TSPAN9: variants seen among roughly 807,000 people sequenced by gnomAD.
The protein encoded by TSPAN9 is tetraspanin-9.
In TSPAN9, 16 loss-of-function variants were observed where a neutral mutation model predicts 31.0. The observed-to-expected ratio is 0.52, with a 90% CI of 0.35 to 0.78. The LOEUF (loss-of-function observed/expected upper bound fraction) is 0.78, where lower values mean the gene tolerates loss of function less well. Ranked by LOEUF, TSPAN9 falls within the 30% of genes least tolerant of loss-of-function variation. The pLI is 0.01. For synonymous variants in TSPAN9, 145 were observed against 121.6 expected (o/e 1.19, Z -1.27); for missense variants, 272 against 312.5 (o/e 0.87, Z 0.98).
rs947676979 is a variant in TSPAN9, at chr12:3,107,563, A to G, written c.-18+23844A>G. ...ATCCCTGTGCCCTTCATCTGGGGCCATGCATGCCTCTTGTTAGGTCTGGCT... is the reference window on the plus strand; with the variant it reads ...ATCCCTGTGCCCTTCATCTGGGGCCGTGCATGCCTCTTGTTAGGTCTGGCT... On this transcript the variant is annotated intron_variant, in intron 2 of 8. Transcript: ENST00000011898. This position sits in a 1 kb window ranked among gnomAD's most constrained non-coding sequence, Gnocchi z 4.1. Among the ~76,000 whole-genome samples, 12 of 152,228 alleles carry G rather than the reference A, an allele frequency of 7.9e-5. No homozygotes were observed. The East Asian group carries it at 2.1e-3, about 27-fold the overall frequency.
intron 3 of TSPAN9, among the ~76,000 whole-genome samples, chr12:3,240,219 C>A (rs1417028887): frequency 2.0e-5 from 3 of 152,132 alleles, no homozygotes; most frequent in African/African-American, 7.2e-5. Context: ...TCATTTTACC[C>A]ACAGCTACTT....
At chr12:3,233,463 C>T (rs2098391842) in intron 3 of TSPAN9, among the ~76,000 whole-genome samples, 1 of 152,120 alleles carries the variant, frequency 6.6e-6, no homozygotes, top group Non-Finnish European at 1.5e-5. Context: ...TGTAATGTTG[C>T]CCCTCAGATG....
intron 3 of TSPAN9, among the ~76,000 whole-genome samples, chr12:3,269,759 C>T (rs1222194856): frequency 6.6e-6 from 1 of 152,244 alleles, no homozygotes; most frequent in Non-Finnish European, 1.5e-5. Context: ...TGCTGAGTCA[C>T]AAGCGCTCCC....
Position 3,102,968 on chromosome 12 carries a change from A to T in TSPAN9, c.-18+19249A>T, listed in dbSNP as rs576053451. On this transcript the variant is annotated intron_variant, in intron 2 of 8. Coordinates refer to ENST00000011898, the MANE Select transcript of TSPAN9 (RefSeq NM_006675.5). ...GAAGATGAACTCACGAGGTGAAGCC[A>T]TGTGCTCCAGGCCACTTGCTGTTAG... 2.6e-5 allele frequency among the ~76,000 whole-genome samples: 4 copies of T among 152,298 alleles called. No homozygotes were observed. The East Asian group carries it at 5.8e-4, about 22-fold the overall frequency.
At chr12:3,144,600 C>A (rs147913810) in intron 2 of TSPAN9, among the ~76,000 whole-genome samples, 1 of 152,208 alleles carries the variant, frequency 6.6e-6, no homozygotes, top group Admixed American at 6.5e-5. Context: ...CCCCCAGAAC[C>A]GCGAGACCGT....
intron 2 of TSPAN9, among the ~76,000 whole-genome samples, chr12:3,155,281 G>A (rs1466781555): frequency 6.6e-6 from 1 of 152,106 alleles, no homozygotes; most frequent in African/African-American, 2.4e-5. Flanking sequence ...CATGGGGTGT[G>A]GGAGAGGCAG....
At chr12:3,261,083 T>C (rs1454042458) in intron 3 of TSPAN9, among the ~76,000 whole-genome samples, 1 of 152,142 alleles carries the variant, frequency 6.6e-6, no homozygotes, top group Non-Finnish European at 1.5e-5. Context: ...CCCTGTGTTC[T>C]GGCCAAAGGG....
intron 3 of TSPAN9, among the ~76,000 whole-genome samples, chr12:3,256,493 T>A (rs1213530341): frequency 6.6e-6 from 1 of 152,208 alleles, no homozygotes; most frequent in Non-Finnish European, 1.5e-5. Context: ...GAGTGGGTTA[T>A]AAATAGCGGA....
At chr12:3,238,553 C>T (rs907506922) in intron 3 of TSPAN9, among the ~76,000 whole-genome samples, 1 of 152,196 alleles carries the variant, frequency 6.6e-6, no homozygotes, top group South Asian at 2.1e-4. Flanking sequence ...AAAACATCGC[C>T]GACCCTTCCA....
At chr12:3,166,508 A>G (rs2098348510) in intron 2 of TSPAN9, among the ~76,000 whole-genome samples, 1 of 152,260 alleles carries the variant, frequency 6.6e-6, no homozygotes, top group Non-Finnish European at 1.5e-5. Context: ...TTTATTTTAC[A>G]TGAACAGCTT....
chr12:3,271,370 A>AG (rs1762646717), intron 3 of TSPAN9, among the ~76,000 whole-genome samples: 1 of 152,148 alleles, frequency 6.6e-6, no homozygotes, highest in Admixed American at 6.5e-5. Context: ...AGAACGTAGG[A>AG]GGGGAAGAGC....
At chr12:3,279,297 G>C (rs75370163) in intron 5 of TSPAN9, among the ~76,000 whole-genome samples, 2,281 of 152,338 alleles carry the variant, frequency 0.015, 61 homozygotes, top group African/African-American at 0.051. Context: ...AGTTGACTTT[G>C]TATAGTTCCA....
intron 1 of TSPAN9, among the ~76,000 whole-genome samples, chr12:3,083,388 G>A (rs576546539): frequency 2.3e-4 from 35 of 152,336 alleles, no homozygotes; most frequent in African/African-American, 6.7e-4. Context: ...GTAACTGCCC[G>A]TGGCAGACAT....
intron 2 of TSPAN9, among the ~76,000 whole-genome samples, chr12:3,198,580 G>C (rs867141567): frequency 4.1e-5 from 4 of 96,514 alleles, no homozygotes; most frequent in East Asian, 3.0e-4. Context: ...ACCAGCACAG[G>C]CCACCACCAG....
chr12:3,184,955 A>G (rs1345744564), intron 2 of TSPAN9, among the ~76,000 whole-genome samples: 1 of 151,950 alleles, frequency 6.6e-6, no homozygotes, highest in East Asian at 1.9e-4. Flanking sequence ...GCAGGGAGGC[A>G]TCCTTGCTTT....
intron 2 of TSPAN9, among the ~76,000 whole-genome samples, chr12:3,092,273 G>T (rs972438560): frequency 1.3e-5 from 2 of 152,122 alleles, no homozygotes; most frequent in Admixed American, 1.3e-4. Context: ...TGTTCTCCAT[G>T]GCTGTGAGGA....
At chr12:3,185,917 T>C (rs1326890579) in intron 2 of TSPAN9, among the ~76,000 whole-genome samples, 2 of 152,208 alleles carry the variant, frequency 1.3e-5, no homozygotes, top group African/African-American at 4.8e-5. Context: ...GAACCTGACC[T>C]TGGAGGCTCT....
intron 2 of TSPAN9, among the ~76,000 whole-genome samples, chr12:3,098,052 G>C (rs2098310014): frequency 1.3e-5 from 2 of 151,416 alleles, no homozygotes; most frequent in Non-Finnish European, 2.9e-5. Context: ...ACGTCGGCCA[G>C]AGTGCAGAGT....
intron 2 of TSPAN9, among the ~76,000 whole-genome samples, chr12:3,169,325 G>A (rs2153970133): frequency 6.6e-6 from 1 of 152,360 alleles, no homozygotes; most frequent in African/African-American, 2.4e-5. Context: ...TGCTTTAGAA[G>A]TCAGGGCAGA....
Sources: allele counts gnomAD v4.1 joint callset (sites outside exome capture counted in the v4.1 genomes callset), GRCh38; gene constraint gnomAD v4.1.1; non-coding constraint Gnocchi (gnomAD v3.1); transcripts MANE v1.5; gene names NCBI Gene and HGNC (gene_info 2026-07-23, HGNC 2026-07-21).